ATR: variants seen among roughly 807,000 people sequenced by gnomAD.
ATR encodes serine/threonine-protein kinase ATR.
Under a neutral mutation model 305.3 loss-of-function variants are expected in ATR, and 142 were observed. The observed-to-expected ratio is 0.47, with a 90% CI of 0.41 to 0.53. ATR has a LOEUF of 0.53. Ranked by LOEUF, ATR falls within the 20% of genes least tolerant of loss-of-function variation. The pLI is 0.00. For synonymous variants in ATR, 1,050 were observed against 1,068.1 expected, an observed-to-expected ratio of 0.98 and a Z score of 0.33; for missense variants, 2,135 against 3,133.1, an observed-to-expected ratio of 0.68 and a Z score of 7.60.
intron 41 of ATR, among the ~76,000 whole-genome samples, chr3:142,464,301 A>G (rs1186868303): frequency 6.6e-6 from 1 of 151,790 alleles, no homozygotes; most frequent in East Asian, 1.9e-4. Flanking sequence ...AATTTTTTTT[A>G]TTTTTTGTAG....
Position 142,449,433 on chromosome 3 carries a change from A to G in ATR, c.7931T>C (p.Met2644Thr). ...CQMYLGWTPY[M>T] is the part of the protein sequence containing the mutation. ...ATTCTTTTACATAATTTCATTTCAC[A>G]TATATGGAGTCCAACCAAGATACAT... Residue 2644 changes from methionine to threonine, a missense_variant, in exon 47 of 47, where the codon ATG becomes ACG. Around this residue, in one of 9 missense-constraint regions of ATR, gnomAD observed 462 missense variants for 887.6 expected, o/e 0.52. Transcript: ENST00000350721. 1 of 1,604,188 alleles carries G rather than the reference A, an allele frequency of 6.2e-7. No homozygotes were observed. Among genetic ancestry groups the G allele is most frequent in the Non-Finnish European group, 8.5e-7 (1 of 1,170,982 alleles).
intron 16 of ATR, among the ~76,000 whole-genome samples, chr3:142,543,208 G>A (rs950948093): frequency 8.5e-5 from 13 of 152,172 alleles, no homozygotes; most frequent in African/African-American, 3.1e-4. Context: ...ATAATGATCT[G>A]ACATAGGGGA....
intron 1 of ATR, among the ~76,000 whole-genome samples, chr3:142,573,731 T>C (rs968052119): frequency 6.6e-6 from 1 of 152,290 alleles, no homozygotes; most frequent in East Asian, 1.9e-4. Context: ...GATATAAAAA[T>C]TATTCATGAG....
intron 3 of ATR, among the ~76,000 whole-genome samples, chr3:142,564,146 T>C (rs916784144): frequency 6.6e-6 from 1 of 151,686 alleles, no homozygotes; most frequent in African/African-American, 2.4e-5. Flanking sequence ...ACATACATTG[T>C]TTTTTAGACA....
At position 142,542,656 on chromosome 3, in the gene ATR, A is replaced by AC; in HGVS notation, c.3450+8dup. 6.2e-7 allele frequency: 1 copy of AC among 1,606,504 alleles called. No individual in the cohort carries two copies. The highest frequency in any genetic ancestry group is 8.5e-7 in the Non-Finnish European group (1 of 1,173,530). On this transcript the variant is annotated intron_variant, in intron 17 of 46. Transcript: ENST00000350721. ...TCTATCTTAGCACTCTGGAACTATC[A>AC]CCACTTACCATTTTCTTATCTTCAA...
intron 13 of ATR, among the ~76,000 whole-genome samples, chr3:142,551,353 G>A (rs1577680599): frequency 6.6e-6 from 1 of 152,294 alleles, no homozygotes; most frequent in East Asian, 1.9e-4. Context: ...CTAAGCCCAG[G>A]AGTTAGAGGT....
At chr3:142,556,602 G>T in intron 8 of ATR, 27 bp from the exon 9 acceptor site, 1 of 1,601,468 alleles carries the variant, frequency 6.2e-7, no homozygotes, top group Non-Finnish European at 8.6e-7. Flanking sequence ...TATTAAACAA[G>T]ATTTCTACTA....
rs749374898 is a variant in ATR at position 142,497,041 on chromosome 3, G to A, written c.5710C>T (p.Arg1904Trp). ...TTGTTGAGGCTTAGTAAAGCCCTCC[G>A]GAGAGCCAGGATAGGCTCCTTGGCT... ...YRAKEPILALRRALLSLNKRP... is the reference protein window; with the variant it reads ...YRAKEPILALWRALLSLNKRP... Residue 1904 changes from arginine to tryptophan, a missense_variant, in exon 33 of 47, where the codon CGG becomes TGG. Transcript: ENST00000350721. The A allele has an allele frequency of 9.3e-6, 15 of 1,613,032 alleles. No individual in the cohort carries two copies. Among genetic ancestry groups the A allele is most frequent in the South Asian group, 1.1e-5 (1 of 90,912 alleles).
intron 35 of ATR, among the ~76,000 whole-genome samples, chr3:142,488,520 CAGA>C (rs1214289125): frequency 2.0e-5 from 3 of 152,230 alleles, no homozygotes; most frequent in East Asian, 1.9e-4. Flanking sequence ...TAATTCTAGA[CAGA>C]AGAAGAACAC....
At chr3:142,459,962 T>G (rs1042750525) in intron 42 of ATR, among the ~76,000 whole-genome samples, 3 of 152,074 alleles carry the variant, frequency 2.0e-5, no homozygotes, top group African/African-American at 7.2e-5. Flanking sequence ...TCAATATATA[T>G]GTATATATAC....
At position 142,459,383 on chromosome 3, in the gene ATR, C is replaced by T; in HGVS notation, c.7193G>A (p.Gly2398Glu). ...AAGTTCTTTTCCTGTCATATACACT[C>T]CTGCAAGGAAGAGTGATATCCATTA... ...PILTKLYKEK[G>E]VYMTGKELRQ... The change falls in exon 43 of 47, where the codon GGA (glycine) becomes GAA (glutamate). Residue 2398 changes from glycine to glutamate, a missense_variant and splice_region_variant. Physicochemically the swap from Gly to Glu is moderately conservative, Grantham distance 98. Around this residue, in one of 9 missense-constraint regions of ATR, gnomAD observed 462 missense variants for 887.6 expected, o/e 0.52. Transcript: ENST00000350721. The T allele has an allele frequency of 1.2e-6, 2 of 1,613,666 alleles. No individual in the cohort carries two copies. Among genetic ancestry groups the T allele is most frequent in the Non-Finnish European group, 1.7e-6 (2 of 1,179,762 alleles).
chr3:142,502,252 A>G (rs2032006237), intron 30 of ATR, among the ~76,000 whole-genome samples: 1 of 152,258 alleles, frequency 6.6e-6, no homozygotes, highest in Non-Finnish European at 1.5e-5. Context: ...TCTACCAAAA[A>G]GATACATACA....
At chr3:142,475,553 A>C (rs544061812) in intron 36 of ATR, among the ~76,000 whole-genome samples, 2 of 152,328 alleles carry the variant, frequency 1.3e-5, no homozygotes, top group South Asian at 4.1e-4. Context: ...TGCCGCAATA[A>C]ACATACATGT....
rs11486552 is a variant in ATR, at chr3:142,478,521, G to A, written c.6221+6619C>T. 4.1e-3 allele frequency among the ~76,000 whole-genome samples: 628 copies of A among 152,138 alleles called. 12 individuals are homozygous for A. The highest frequency in any genetic ancestry group is 0.015 in the African/African-American group (608 of 41,508). On this transcript the variant is annotated intron_variant, in intron 36 of 46. Transcript: ENST00000350721. ...TGCTTTACTTCCAACTATGTGGTCA[G>A]TTTTGGAATAGGTGTGGTGTGGTGC...
intron 24 of ATR, among the ~76,000 whole-genome samples, chr3:142,516,763 T>C (rs192268801): frequency 7.7e-4 from 118 of 152,258 alleles, no homozygotes; most frequent in Non-Finnish European, 1.2e-3. Context: ...CGGATGCTCC[T>C]TGGGGTCCTT....
At chr3:142,452,076 A>C in intron 46 of ATR, 1 of 1,016,486 alleles carries the variant, frequency 9.8e-7, no homozygotes, top group Non-Finnish European at 1.2e-6. Context: ...CAAGAAAAAG[A>C]AATTTTTCTT....
rs113791502 is a variant in ATR at position 142,561,995 on chromosome 3, A to G, written c.1170+237T>C. Among the ~76,000 whole-genome samples, 2,730 of 152,306 alleles carry G rather than the reference A, an allele frequency of 0.018. 29 individuals are homozygous for G. The highest frequency in any genetic ancestry group is 0.041 in the South Asian group (199 of 4,822). On this transcript the variant is annotated intron_variant, in intron 4 of 46. Coordinates refer to ENST00000350721, the MANE Select transcript of ATR (RefSeq NM_001184.4). ...AATACATTTACACTTCACAGATTCTACTTAGAAACATTCTACTCCATTGGC... is the reference window on the plus strand; with the variant it reads ...AATACATTTACACTTCACAGATTCTGCTTAGAAACATTCTACTCCATTGGC...
chr3:142,476,386 C>T (rs1394190511), intron 36 of ATR, among the ~76,000 whole-genome samples: 6 of 151,870 alleles, frequency 4.0e-5, no homozygotes, highest in Non-Finnish European at 7.4e-5. Context: ...TCAGGGTGGT[C>T]GAAGATCAGA....
At chr3:142,478,078 T>G (rs1442016848) in intron 36 of ATR, among the ~76,000 whole-genome samples, 2 of 152,232 alleles carry the variant, frequency 1.3e-5, no homozygotes, top group Non-Finnish European at 2.9e-5. Flanking sequence ...GTTTTTTGTG[T>G]CTCCATCTCC....
Sources: allele counts gnomAD v4.1 joint callset (sites outside exome capture counted in the v4.1 genomes callset), GRCh38; gene constraint gnomAD v4.1.1; regional missense constraint gnomAD v4.1.1; transcripts MANE v1.5; gene names NCBI Gene and HGNC (gene_info 2026-07-23, HGNC 2026-07-21).